The following NCOR1 variants were observed in gnomAD, a reference collection of about 807,000 sequenced individuals.
NCOR1 encodes the protein nuclear receptor corepressor 1, also known as protein phosphatase 1, regulatory subunit 109.
NCOR1 carries 63 observed loss-of-function variants against 288.1 expected under a neutral mutation model. That is an observed-to-expected ratio of 0.22 (90% CI 0.18 to 0.27). The LOEUF is 0.27. Ranked by LOEUF, NCOR1 falls within the 10% of genes least tolerant of loss-of-function variation. The probability of loss-of-function intolerance (pLI) is 1.00; values close to 1 mark genes in which losing one functional copy is unlikely to be tolerated. For missense variants in NCOR1, 2,397 were observed against 3,019.2 expected (o/e 0.79, Z 4.83); for synonymous variants, 1,007 against 1,065.9 (o/e 0.94, Z 1.08).
chr17:16,207,677 C>CT (rs1303327660), intron 1 of NCOR1, among the ~76,000 whole-genome samples: 2 of 148,386 alleles, frequency 1.3e-5, no homozygotes, highest in East Asian at 4.0e-4. Context: ...GGAGGTGGAG[C>CT]TTGCAATGAG....
intron 22 of NCOR1, among the ~76,000 whole-genome samples, chr17:16,089,683 T>C (rs2064863161): frequency 6.6e-6 from 1 of 152,124 alleles, no homozygotes; most frequent in South Asian, 2.1e-4. Flanking sequence ...ATCCATACTA[T>C]CACTATTCTT....
chr17:16,131,074 A>G (rs1320551663), intron 14 of NCOR1, among the ~76,000 whole-genome samples: 1 of 140,462 alleles, frequency 7.1e-6, no homozygotes, highest in African/African-American at 2.7e-5. Context: ...CTACAGCCTC[A>G]ACTCCCAGGC....
intron 6 of NCOR1, among the ~76,000 whole-genome samples, chr17:16,154,817 G>C (rs1283558734): frequency 1.3e-5 from 2 of 152,152 alleles, no homozygotes; most frequent in Admixed American, 1.3e-4. Flanking sequence ...GGGAGATGAA[G>C]GCTCAAATTA....
At chr17:16,161,576 T>C (rs2080871686) in intron 5 of NCOR1, among the ~76,000 whole-genome samples, 2 of 152,188 alleles carry the variant, frequency 1.3e-5, no homozygotes, top group South Asian at 4.1e-4. Context: ...GGATTACAGG[T>C]TGAGCCACCG....
At chr17:16,046,792 T>C in intron 42 of NCOR1, 159 bp downstream of exon 42, 1 of 790,528 alleles carries the variant, frequency 1.3e-6, no homozygotes, top group Non-Finnish European at 1.9e-6. Context: ...GAACTCTTCA[T>C]GGGCTGGCAG....
chr17:16,206,435 G>C (rs2091517371), intron 1 of NCOR1, among the ~76,000 whole-genome samples: 1 of 152,018 alleles, frequency 6.6e-6, no homozygotes, highest in Non-Finnish European at 1.5e-5. Context: ...GCCCAGGCTG[G>C]AGTCCAGTGG....
chr17:16,161,659 A>T (rs74973634), intron 5 of NCOR1, among the ~76,000 whole-genome samples: 1 of 152,190 alleles, frequency 6.6e-6, no homozygotes. Context: ...AATTTAATTG[A>T]AATTTTATTG....
chr17:16,070,018 C>G (rs2061563362), intron 31 of NCOR1, 147 bp downstream of exon 31: 1 of 963,312 alleles, frequency 1.0e-6, no homozygotes, highest in African/African-American at 1.7e-5. Flanking sequence ...AAATTAGTAG[C>G]CTTCCATACT....
intron 5 of NCOR1, among the ~76,000 whole-genome samples, chr17:16,159,925 G>T (rs935697045): frequency 1.3e-5 from 2 of 151,946 alleles, no homozygotes; most frequent in East Asian, 3.9e-4. Context: ...CGCTTCCAGG[G>T]TTCAAGCGAT....
intron 1 of NCOR1, among the ~76,000 whole-genome samples, chr17:16,213,186 T>C (rs529386326): frequency 6.6e-6 from 1 of 152,090 alleles, no homozygotes; most frequent in South Asian, 2.1e-4. Flanking sequence ...GTTTTTTAAA[T>C]CCAACAAGTA....
At chr17:16,166,000 C>G (rs1262555545) in intron 4 of NCOR1, among the ~76,000 whole-genome samples, 1 of 152,186 alleles carries the variant, frequency 6.6e-6, no homozygotes, top group Non-Finnish European at 1.5e-5. Context: ...GATTAAGGAA[C>G]TGTGAAAAGT....
At chr17:16,200,593 G>A (rs189019828) in intron 1 of NCOR1, among the ~76,000 whole-genome samples, 43 of 151,124 alleles carry the variant, frequency 2.8e-4, no homozygotes, top group Non-Finnish European at 5.0e-4. Context: ...TCCACCAAGC[G>A]TCACAATAGA....
rs1971855027 is a variant in NCOR1, at chr17:16,030,835, T to TAATC, written c.*1457_*1460dup. The TAATC allele has an allele frequency of 3.8e-5, 7 of 185,388 alleles. No homozygotes were observed. The highest frequency in any genetic ancestry group is 2.0e-3 in the Middle Eastern group (1 of 492). 11.5% of individuals were successfully genotyped at this position (185,388 alleles called of 1,614,324 possible). On this transcript the variant is annotated 3_prime_UTR_variant, in exon 46 of 46. Transcript: ENST00000268712. ...TGATAGGAGGGTCTTGGTCAGTAGC[T>TAATC]AATCACAGAGCTGCTTCCTTAAAAG...
At chr17:16,095,576 A>T (rs1432926264) in intron 21 of NCOR1, among the ~76,000 whole-genome samples, 3 of 94,794 alleles carry the variant, frequency 3.2e-5, no homozygotes, top group Admixed American at 1.2e-4. Context: ...CGCCCCGTAC[A>T]GGAGGTGAGG....
rs541232713 is a variant in NCOR1, at chr17:16,078,817, G to A, written c.3501+1147C>T. On this transcript the variant is annotated intron_variant, in intron 26 of 45. Coordinates refer to ENST00000268712, the MANE Select transcript of NCOR1 (RefSeq NM_006311.4). Reference sequence around the variant, plus strand: ...TCTCAAACTCCTGACCTCGTGATCCGCTCTCCTTGGCCTCCCAAAGTGCTG... The same window carrying A: ...TCTCAAACTCCTGACCTCGTGATCCACTCTCCTTGGCCTCCCAAAGTGCTG... Among the ~76,000 whole-genome samples, 4 of 152,178 alleles carry A rather than the reference G, an allele frequency of 2.6e-5. No individual in the cohort carries two copies. The South Asian group carries it at 6.2e-4, about 24-fold the overall frequency.
At chr17:16,180,317 T>C (rs1375478519) in intron 3 of NCOR1, among the ~76,000 whole-genome samples, 3 of 152,140 alleles carry the variant, frequency 2.0e-5, no homozygotes, top group African/African-American at 7.2e-5. Context: ...CCCTAGTATT[T>C]TGTTGGTGGG....
In NCOR1 at chr17:16,180,389, A is replaced by G. The variant is rs919275787; in HGVS notation, c.242+6165T>C. ...GGAAGGCCCCAAAGAAATTAAAAAT[A>G]CAACTACTATAGACCCAGCAATCCC... On this transcript the variant is annotated intron_variant, in intron 3 of 45. Coordinates refer to ENST00000268712, the MANE Select transcript of NCOR1 (RefSeq NM_006311.4). Among the ~76,000 whole-genome samples the G allele has an allele frequency of 5.9e-5, 9 of 152,202 alleles. No individual in the cohort carries two copies. The East Asian group carries it at 1.7e-3, about 29-fold the overall frequency.
chr17:16,059,999 T>G (rs1392604738), intron 37 of NCOR1, among the ~76,000 whole-genome samples: 1 of 152,236 alleles, frequency 6.6e-6, no homozygotes, highest in African/African-American at 2.4e-5. Flanking sequence ...TGTTTATGTA[T>G]TCAACATCCT....
intron 35 of NCOR1, 99 bp from the exon 36 acceptor site, chr17:16,062,369 A>C: frequency 8.5e-7 from 1 of 1,176,082 alleles, no homozygotes; most frequent in Non-Finnish European, 1.1e-6. Flanking sequence ...AACATACCTA[A>C]ATAGAAAAAA....
Sources: allele counts gnomAD v4.1 joint callset (sites outside exome capture counted in the v4.1 genomes callset), GRCh38; gene constraint gnomAD v4.1.1; transcripts MANE v1.5; gene names NCBI Gene and HGNC (gene_info 2026-07-23, HGNC 2026-07-21).